OLFM3: variants seen among roughly 807,000 people sequenced by gnomAD.
The protein encoded by OLFM3 is noelin-3.
A neutral mutation model predicts 48.6 loss-of-function variants in OLFM3; 20 were observed. The observed-to-expected ratio is 0.41, with a 90% CI of 0.29 to 0.60. The LOEUF is 0.60. OLFM3 is among the 20% of genes least tolerant of loss of function. OLFM3 has a pLI of 0.28. For missense variants in OLFM3, 437 were observed against 544.3 expected (o/e 0.80, Z 1.96); for synonymous variants, 222 against 198.1 (o/e 1.12, Z -1.01).
chr1:101,821,650 G>A (rs986711401), intron 4 of OLFM3, among the ~76,000 whole-genome samples: 2 of 152,060 alleles, frequency 1.3e-5, no homozygotes, highest in African/African-American at 4.8e-5. Flanking sequence ...GCATGAAAGA[G>A]TTACATTCAT....
At chr1:101,983,721 CAATT>C (rs1256440665) in intron 1 of OLFM3, among the ~76,000 whole-genome samples, 3 of 152,130 alleles carry the variant, frequency 2.0e-5, no homozygotes, top group African/African-American at 7.2e-5. Flanking sequence ...AAGCAATTCT[CAATT>C]ATTTGCAATT....
At position 101,994,128 on chromosome 1, in the gene OLFM3, T is replaced by TA. The variant is rs541082397; in HGVS notation, c.69+2619dup. Among the ~76,000 whole-genome samples the TA allele has an allele frequency of 3.2e-3, 480 of 151,440 alleles. 1 individual carries two copies. Among genetic ancestry groups the TA allele is most frequent in the Middle Eastern group, 0.014 (4 of 288 alleles). Reference sequence around the variant, plus strand: ...TTTGATATATGTAAAATCCTATACCTAAAAAAAATCTATTCAATTTTAAGA... The same window carrying TA: ...TTTGATATATGTAAAATCCTATACCTAAAAAAAAATCTATTCAATTTTAAGA... On this transcript the variant is annotated intron_variant, in intron 1 of 5. Coordinates refer to ENST00000370103, the MANE Select transcript of OLFM3 (RefSeq NM_058170.4).
chr1:101,914,950 T>G (rs1287098184), intron 1 of OLFM3, among the ~76,000 whole-genome samples: 1 of 152,204 alleles, frequency 6.6e-6, no homozygotes, highest in African/African-American at 2.4e-5. Context: ...TAGTACTTGA[T>G]GAAGATACTT....
chr1:101,895,044 A>G (rs1364342929), intron 1 of OLFM3, among the ~76,000 whole-genome samples: 1 of 152,126 alleles, frequency 6.6e-6, no homozygotes, highest in Non-Finnish European at 1.5e-5. Flanking sequence ...CACCCTGCTT[A>G]CTTTCAGGCC....
At chr1:101,980,599 G>T (rs1422976478) in intron 1 of OLFM3, among the ~76,000 whole-genome samples, 2 of 152,156 alleles carry the variant, frequency 1.3e-5, no homozygotes, top group African/African-American at 4.8e-5. Flanking sequence ...CAGCAATGCG[G>T]AACTGTGAGT....
At chr1:101,960,350 G>A (rs1300949847) in intron 1 of OLFM3, among the ~76,000 whole-genome samples, 4 of 152,178 alleles carry the variant, frequency 2.6e-5, no homozygotes. Flanking sequence ...ACTCTGCAGT[G>A]ACTGCAACAT....
At chr1:101,991,016 A>AATATATATATATAT (rs1215588189) in intron 1 of OLFM3, among the ~76,000 whole-genome samples, 4 of 32,212 alleles carry the variant, frequency 1.2e-4, no homozygotes, top group African/African-American at 1.7e-4. Flanking sequence ...AAAAAAAAAA[A>AATATATATATATAT]ATATATATAT....
chr1:101,950,879 T>C (rs1029499051), intron 1 of OLFM3, among the ~76,000 whole-genome samples: 6 of 152,342 alleles, frequency 3.9e-5, no homozygotes, highest in South Asian at 2.1e-4. Context: ...TAAATACTTA[T>C]TGATTGAACA....
chr1:101,941,269 G>A (rs950920104), intron 1 of OLFM3, among the ~76,000 whole-genome samples: 1 of 152,108 alleles, frequency 6.6e-6, no homozygotes, highest in Non-Finnish European at 1.5e-5. Context: ...CCAAATTGCA[G>A]CATTACAGCA....
At chr1:101,942,694 T>C (rs1049335845) in intron 1 of OLFM3, among the ~76,000 whole-genome samples, 1 of 152,198 alleles carries the variant, frequency 6.6e-6, no homozygotes, top group Non-Finnish European at 1.5e-5. Flanking sequence ...TTGATGCATG[T>C]GGTATACAAT....
At chr1:101,967,590 GAAAAAAAAA>G (rs71592233) in intron 1 of OLFM3, among the ~76,000 whole-genome samples, 33 of 44,578 alleles carry the variant, frequency 7.4e-4, no homozygotes, top group Middle Eastern at 0.017. Flanking sequence ...CCTAGTCAGT[GAAAAAAAAA>G]AAAAAAAAAA....
At chr1:101,948,379 C>A (rs1660022297) in intron 1 of OLFM3, among the ~76,000 whole-genome samples, 1 of 151,598 alleles carries the variant, frequency 6.6e-6, no homozygotes. Flanking sequence ...CTTACCAAAT[C>A]AATTATCAGA....
At chr1:101,847,183 T>G (rs1234682138) in intron 1 of OLFM3, 1 of 396,166 alleles carries the variant, frequency 2.5e-6, no homozygotes, top group Non-Finnish European at 3.4e-6. Flanking sequence ...CCAGACATTT[T>G]GCTGGATCAT....
chr1:101,817,973 G>C (rs1311040332), intron 4 of OLFM3, among the ~76,000 whole-genome samples: 2 of 152,034 alleles, frequency 1.3e-5, no homozygotes, highest in Non-Finnish European at 2.9e-5. Flanking sequence ...TGTTGTATTG[G>C]ATAGAGCACC....
At chr1:101,911,162 AT>A (rs997357507) in intron 1 of OLFM3, among the ~76,000 whole-genome samples, 1 of 152,202 alleles carries the variant, frequency 6.6e-6, no homozygotes, top group Non-Finnish European at 1.5e-5. Flanking sequence ...TTTGAACAAA[AT>A]GGAAGCAAAT....
intron 1 of OLFM3, chr1:101,838,018 T>A (rs79886882): frequency 6.6e-6 from 1 of 152,080 alleles, no homozygotes. Flanking sequence ...TATTTTTTTT[T>A]ATATATAGAC....
intron 1 of OLFM3, among the ~76,000 whole-genome samples, chr1:101,945,591 A>C (rs12034639): frequency 0.44 from 67,322 of 151,864 alleles, 16,172 homozygotes; most frequent in Non-Finnish European, 0.54. Flanking sequence ...TTTATGAGTT[A>C]ATACATATGT....
intron 1 of OLFM3, among the ~76,000 whole-genome samples, chr1:101,883,370 T>C (rs1013499789): frequency 1.3e-5 from 2 of 151,080 alleles, no homozygotes; most frequent in African/African-American, 2.4e-5. Context: ...TATACACATA[T>C]ACAATTCAAA....
intron 1 of OLFM3, among the ~76,000 whole-genome samples, chr1:101,939,212 A>G (rs906897038): frequency 1.3e-5 from 2 of 152,190 alleles, no homozygotes; most frequent in African/African-American, 4.8e-5. Context: ...TTCCCCAGAA[A>G]CTAACGTCGC....
Sources: allele counts gnomAD v4.1 joint callset (sites outside exome capture counted in the v4.1 genomes callset), GRCh38; gene constraint gnomAD v4.1.1; transcripts MANE v1.5; gene names NCBI Gene and HGNC (gene_info 2026-07-23, HGNC 2026-07-21).